DLG2: variants seen among roughly 807,000 people sequenced by gnomAD.
DLG2 encodes the protein disks large homolog 2.
DLG2 carries 45 observed loss-of-function variants against 132.5 expected under a neutral mutation model. The ratio of observed to expected loss-of-function variants is 0.34; its 90% CI spans 0.27 to 0.44. DLG2 has a LOEUF of 0.44. Ranked by LOEUF, DLG2 falls within the 20% of genes least tolerant of loss-of-function variation. The pLI, the probability that DLG2 is intolerant of heterozygous loss-of-function variation, is 1.00. For synonymous variants in DLG2, 424 were observed against 419.6 expected (o/e 1.01, Z -0.13); for missense variants, 1,045 against 1,196.9 (o/e 0.87, Z 1.87).
At chr11:85,471,484 C>T (rs76314063) in intron 3 of DLG2, among the ~76,000 whole-genome samples, 2,163 of 151,762 alleles carry the variant, frequency 0.014, 51 homozygotes, top group African/African-American at 0.05. Context: ...AAAGGAGGCA[C>T]AAAACACGTA....
At chr11:84,983,071 A>G (rs1243255589) in intron 6 of DLG2, among the ~76,000 whole-genome samples, 3 of 152,184 alleles carry the variant, frequency 2.0e-5, no homozygotes, top group Non-Finnish European at 1.5e-5. Flanking sequence ...AGTCTTATCC[A>G]GTGCAACAAG....
At chr11:85,400,431 G>A (rs946642727) in intron 3 of DLG2, among the ~76,000 whole-genome samples, 1 of 144,568 alleles carries the variant, frequency 6.9e-6, no homozygotes, top group Non-Finnish European at 1.5e-5. Flanking sequence ...CCCATTACTG[G>A]GTATATACCC....
intron 9 of DLG2, among the ~76,000 whole-genome samples, chr11:84,116,555 C>T (rs990623478): frequency 6.6e-6 from 1 of 152,138 alleles, no homozygotes; most frequent in Non-Finnish European, 1.5e-5. Flanking sequence ...TCTTGTGAGA[C>T]TTATTCACTA....
intron 7 of DLG2, among the ~76,000 whole-genome samples, chr11:84,273,582 A>T (rs540826218): frequency 6.6e-6 from 1 of 152,202 alleles, no homozygotes; most frequent in East Asian, 1.9e-4. Flanking sequence ...GGAAAGAAGT[A>T]GGAAGAAGAG....
chr11:83,884,805 G>A (rs1176255036), intron 15 of DLG2, among the ~76,000 whole-genome samples: 1 of 152,184 alleles, frequency 6.6e-6, no homozygotes, highest in Non-Finnish European at 1.5e-5. Context: ...CCACTGTTCT[G>A]CAGCCACCGC....
intron 7 of DLG2, among the ~76,000 whole-genome samples, chr11:84,424,733 G>A (rs1181762260): frequency 6.6e-6 from 1 of 151,998 alleles, no homozygotes; most frequent in Non-Finnish European, 1.5e-5. Flanking sequence ...TTTTTGGGGT[G>A]GGTAGAAGGA....
intron 3 of DLG2, among the ~76,000 whole-genome samples, chr11:85,332,635 T>C (rs2081842424): frequency 6.6e-6 from 1 of 152,172 alleles, no homozygotes; most frequent in Non-Finnish European, 1.5e-5. Context: ...TTCTTGTATA[T>C]GGTGAAAGGA....
chr11:85,046,717 C>T (rs917103184), intron 6 of DLG2, among the ~76,000 whole-genome samples: 8 of 151,872 alleles, frequency 5.3e-5, no homozygotes, highest in African/African-American at 1.7e-4. Context: ...TGATAGGTGT[C>T]TGTCTTTCTG....
At chr11:84,910,806 G>C (rs2091989684) in intron 6 of DLG2, among the ~76,000 whole-genome samples, 1 of 151,988 alleles carries the variant, frequency 6.6e-6, no homozygotes, top group South Asian at 2.1e-4. Context: ...AACAGATACA[G>C]AATTCACATT....
At chr11:83,846,269 C>T (rs2058591448) in intron 16 of DLG2, among the ~76,000 whole-genome samples, 1 of 152,118 alleles carries the variant, frequency 6.6e-6, no homozygotes, top group Non-Finnish European at 1.5e-5. Context: ...GAATAATGTG[C>T]AGGATTGGCT....
At chr11:85,441,593 A>C (rs1597372897) in intron 3 of DLG2, among the ~76,000 whole-genome samples, 1 of 152,326 alleles carries the variant, frequency 6.6e-6, no homozygotes, top group Middle Eastern at 3.4e-3. Flanking sequence ...TTAAGCTCTG[A>C]ATATACAACG....
At chr11:84,211,832 CT>C (rs1003343897) in intron 8 of DLG2, among the ~76,000 whole-genome samples, 3 of 152,154 alleles carry the variant, frequency 2.0e-5, no homozygotes, top group East Asian at 1.9e-4. Flanking sequence ...TATATTCAGA[CT>C]TTTTTTGCTG....
chr11:84,379,220 A>T (rs76472766), intron 7 of DLG2, among the ~76,000 whole-genome samples: 8,688 of 152,176 alleles, frequency 0.057, 850 homozygotes, highest in African/African-American at 0.2. Context: ...CAAAGTAAAA[A>T]GCTCAAACAA....
At chr11:84,486,604 A>G (rs2099151555) in intron 7 of DLG2, among the ~76,000 whole-genome samples, 2 of 152,074 alleles carry the variant, frequency 1.3e-5, no homozygotes. Context: ...CTCAAATGAC[A>G]CTTTTTACTC....
intron 15 of DLG2, among the ~76,000 whole-genome samples, chr11:83,892,651 C>A (rs2070279552): frequency 6.6e-6 from 1 of 151,292 alleles, no homozygotes; most frequent in Non-Finnish European, 1.5e-5. Context: ...ATTTTTAAAT[C>A]TATGATAGTT....
intron 4 of DLG2, among the ~76,000 whole-genome samples, chr11:85,268,743 T>G (rs1046689671): frequency 6.6e-6 from 1 of 152,244 alleles, no homozygotes; most frequent in African/African-American, 2.4e-5. Flanking sequence ...TCTTAATGTT[T>G]ATAATAACAC....
chr11:83,569,467 T>G (rs1031045713), intron 19 of DLG2, among the ~76,000 whole-genome samples: 2 of 152,158 alleles, frequency 1.3e-5, no homozygotes, highest in Admixed American at 6.5e-5. Context: ...ATTATATCCT[T>G]TTTTCTCTTC....
chr11:84,182,629 C>G (rs532590538), intron 8 of DLG2, among the ~76,000 whole-genome samples: 1 of 151,964 alleles, frequency 6.6e-6, no homozygotes, highest in Non-Finnish European at 1.5e-5. Context: ...TTCATAGCAT[C>G]GAATGAATGT....
intron 3 of DLG2, among the ~76,000 whole-genome samples, chr11:85,348,013 G>A (rs1271009827): frequency 9.4e-6 from 1 of 106,094 alleles, no homozygotes; most frequent in East Asian, 2.9e-4. Context: ...ACAGAGTCTC[G>A]CTCTGTTGCC....
Sources: gnomAD v4.1 joint callset for allele counts (sites outside exome capture counted in the v4.1 genomes callset) on GRCh38, gnomAD v4.1.1 for gene constraint, MANE v1.5 for transcripts, NCBI Gene and HGNC (gene_info 2026-07-23, HGNC 2026-07-21) for gene names.